The following IKBKB variants were observed in gnomAD, a reference collection of about 807,000 sequenced individuals.
IKBKB encodes inhibitor of nuclear factor kappa B kinase subunit beta, also known as inhibitor of nuclear factor kappa-B kinase subunit beta.
IKBKB carries 42 observed loss-of-function variants against 113.6 expected under a neutral mutation model. The ratio of observed to expected loss-of-function variants is 0.37; its 90% confidence interval spans 0.29 to 0.48. The LOEUF (loss-of-function observed/expected upper bound fraction) is 0.48. Ranked by LOEUF, IKBKB falls within the 20% of genes least tolerant of loss-of-function variation. IKBKB has a pLI of 0.99. For missense variants in IKBKB, 673 were observed against 939.7 expected (o/e 0.72, Z 3.71); for synonymous variants, 296 against 361.3 (o/e 0.82, Z 2.05).
At chr8:42,299,464 AC>A (rs1814677321) in intron 5 of IKBKB, among the ~76,000 whole-genome samples, 1 of 151,532 alleles carries the variant, frequency 6.6e-6, no homozygotes, top group Admixed American at 6.6e-5. Context: ...CACAGGACCC[AC>A]CCGCCAACCT....
intron 19 of IKBKB, among the ~76,000 whole-genome samples, chr8:42,323,756 A>G (rs186641556): frequency 5.0e-4 from 76 of 152,316 alleles, no homozygotes; most frequent in Admixed American, 1.2e-3. Flanking sequence ...GAAGAGAGGA[A>G]CGGGAGAAAA....
intron 2 of IKBKB, among the ~76,000 whole-genome samples, chr8:42,286,624 C>T (rs561018748): frequency 3.3e-5 from 5 of 152,348 alleles, no homozygotes; most frequent in South Asian, 2.1e-4. Context: ...TGGCACCACA[C>T]CTGGCTAATT....
intron 21 of IKBKB, chr8:42,330,113 G>A (rs1821494683): frequency 7.1e-6 from 7 of 985,324 alleles, no homozygotes; most frequent in African/African-American, 1.7e-5. Context: ...AAGTCATGTG[G>A]TGAGGCTGGA....
At chr8:42,282,005 C>A (rs1810454948) in intron 2 of IKBKB, among the ~76,000 whole-genome samples, 1 of 152,172 alleles carries the variant, frequency 6.6e-6, no homozygotes, top group Non-Finnish European at 1.5e-5. Context: ...GGATGTGCTC[C>A]CCCTCTGCCT....
chr8:42,330,926 A>T lies in IKBKB; in HGVS notation c.2218A>T (p.Ser740Cys). The T allele has an allele frequency of 6.2e-7, 1 of 1,614,110 alleles. No individual in the cohort carries two copies. The highest frequency in any genetic ancestry group is 8.5e-7 in the Non-Finnish European group (1 of 1,180,022). The change falls in exon 22 of 22, where the codon AGC (serine) becomes TGC (cysteine). Residue 740 changes from serine (S) to cysteine (C), a missense_variant. Physicochemically the swap from Ser to Cys is moderately radical, Grantham distance 112. This residue lies in a region of IKBKB where 506 missense variants were observed against 638.7 expected (regional missense o/e 0.79). Transcript: ENST00000520810. ...QDQSFTALDW[S>C]WLQTEEEEHS... ...TGTTGACTTTCAGGCCCTAGACTGG[A>T]GCTGGTTACAGACGGAAGAAGAAGA...
Position 42,319,640 on chromosome 8 carries a change from T to C in IKBKB, c.1572T>C (p.Cys524=). ...WREMEQAVEL[C]GRENEVKLLV... Reference sequence around the variant, plus strand: ...AAATGGAGCAGGCTGTGGAGCTCTGTGGGCGGGTAGGAGACTCATTTTGGG... The same window carrying C: ...AAATGGAGCAGGCTGTGGAGCTCTGCGGGCGGGTAGGAGACTCATTTTGGG... Residue 524 remains cysteine, a synonymous_variant, in exon 15 of 22, where the codon TGT becomes TGC. Coordinates refer to ENST00000520810, the MANE Select transcript of IKBKB (RefSeq NM_001556.3). The C allele has an allele frequency of 6.3e-7, 1 of 1,589,984 alleles. No homozygotes were observed. Among genetic ancestry groups the C allele is most frequent in the Non-Finnish European group, 8.5e-7 (1 of 1,172,464 alleles).
At position 42,301,840 on chromosome 8, in the gene IKBKB, T is replaced by A. The variant is rs1426062222; in HGVS notation, c.389-3347T>A. Among the ~76,000 whole-genome samples the A allele has an allele frequency of 2.6e-5, 4 of 151,988 alleles. No homozygotes were observed. The East Asian group carries it at 7.7e-4, about 29-fold the overall frequency. On this transcript the variant is annotated intron_variant, in intron 5 of 21. Coordinates refer to ENST00000520810, the MANE Select transcript of IKBKB (RefSeq NM_001556.3). ...AATGCTCCTCCTCTTCACTGGGGGG[T>A]TCTGGGGACATCTCACCTGGTTGTG...
chr8:42,327,251 T>TG (rs1261907604), intron 20 of IKBKB, among the ~76,000 whole-genome samples: 2 of 151,496 alleles, frequency 1.3e-5, no homozygotes, highest in Non-Finnish European at 2.9e-5. Context: ...CCTAGCACTT[T>TG]GGGAGGCCAA....
At chr8:42,329,927 A>C (rs964710693) in intron 21 of IKBKB, 10 of 985,344 alleles carry the variant, frequency 1.0e-5, no homozygotes, top group Non-Finnish European at 1.2e-5. Context: ...CTTTTGGAAG[A>C]ATTACAAGGG....
chr8:42,330,667 C>T (rs1251228263), intron 21 of IKBKB: 2 of 267,244 alleles, frequency 7.5e-6, no homozygotes, highest in Non-Finnish European at 1.2e-5. Context: ...CTTGCCACCA[C>T]GCCTGGCTAA....
At position 42,290,182 on chromosome 8, in the gene IKBKB, C is replaced by T; in HGVS notation, c.227C>T (p.Ala76Val). ...RRLTHPNVVA[A>V]RDVPEGMQNL... is the part of the protein sequence containing the mutation. ...CTGACCCACCCCAATGTGGTGGCTG[C>T]CCGAGATGTCCCTGAGGGGATGCAG... The change falls in exon 4 of 22, where the codon GCC becomes GTC. Residue 76 changes from alanine (A) to valine (V), a missense_variant. Ala to Val is a moderately conservative substitution (Grantham distance 64). Around this residue, in one of 2 missense-constraint regions of IKBKB, gnomAD observed 167 missense variants for 301.0 expected, o/e 0.55. Transcript: ENST00000520810. The T allele has an allele frequency of 1.9e-6, 3 of 1,613,666 alleles. No homozygotes were observed. Among genetic ancestry groups the T allele is most frequent in the Non-Finnish European group, 2.5e-6 (3 of 1,179,864 alleles).
intron 19 of IKBKB, among the ~76,000 whole-genome samples, chr8:42,323,245 G>A (rs1820110180): frequency 6.6e-6 from 1 of 152,252 alleles, no homozygotes; most frequent in African/African-American, 2.4e-5. Flanking sequence ...GAGTTGGGAT[G>A]TGGGCATATC....
chr8:42,320,647 C>T (rs1050879941), intron 15 of IKBKB, 88 bp from the exon 16 acceptor site: 13 of 1,028,990 alleles, frequency 1.3e-5, no homozygotes, highest in East Asian at 1.2e-4. Flanking sequence ...GGGAATGTGG[C>T]GGGTCCCCTG....
At chr8:42,272,029 G>A (rs1411281523) in intron 1 of IKBKB, 54 bp from the exon 2 acceptor site, 23 of 1,552,992 alleles carry the variant, frequency 1.5e-5, no homozygotes, top group East Asian at 2.3e-5. Flanking sequence ...ATCCCTTTGA[G>A]CTCCATTTTT....
chr8:42,284,524 G>A (rs1030982618), intron 2 of IKBKB, among the ~76,000 whole-genome samples: 6 of 151,356 alleles, frequency 4.0e-5, no homozygotes, highest in Non-Finnish European at 8.8e-5. Context: ...GGAGCTTGCA[G>A]TGAGCCGAGG....
intron 5 of IKBKB, among the ~76,000 whole-genome samples, chr8:42,296,609 A>G (rs1471340350): frequency 6.6e-6 from 1 of 151,948 alleles, no homozygotes; most frequent in African/African-American, 2.4e-5. Context: ...AGATCGCACC[A>G]TTGCACTCCA....
At chr8:42,290,304 C>T (rs1429782020) in intron 4 of IKBKB, 31 bp downstream of exon 4, 2 of 1,460,728 alleles carry the variant, frequency 1.4e-6, no homozygotes, top group Non-Finnish European at 1.9e-6. Flanking sequence ...AGGTGCACAG[C>T]CTGTCTGGGC....
intron 5 of IKBKB, 77 bp from the exon 6 acceptor site, chr8:42,305,110 A>G (rs966622330): frequency 2.1e-6 from 2 of 958,478 alleles, no homozygotes; most frequent in Non-Finnish European, 1.7e-6. Flanking sequence ...TGCGGCATTT[A>G]TCTTTTGCAG....
intron 5 of IKBKB, among the ~76,000 whole-genome samples, chr8:42,294,297 C>T (rs1465063335): frequency 6.6e-6 from 1 of 152,244 alleles, no homozygotes. Flanking sequence ...ACTACCTCAA[C>T]CTTTCAAAGC....
Sources: gnomAD v4.1 joint callset for allele counts (sites outside exome capture counted in the v4.1 genomes callset) on GRCh38, gnomAD v4.1.1 for gene constraint, gnomAD v4.1.1 regional missense constraint, MANE v1.5 for transcripts, NCBI Gene and HGNC (gene_info 2026-07-23, HGNC 2026-07-21) for gene names.